The following CD226 variants were observed in gnomAD, a reference collection of about 807,000 sequenced individuals.
The protein encoded by CD226 is CD226 antigen.
Under a neutral mutation model 34.9 loss-of-function variants are expected in CD226, and 24 were observed. The ratio of observed to expected loss-of-function variants is 0.69; its 90% CI spans 0.50 to 0.97. The LOEUF is 0.97. Ranked by LOEUF, CD226 falls within the 50% of genes least tolerant of loss-of-function variation. CD226 has a pLI of 0.00. For missense variants in CD226, 397 were observed against 412.7 expected, an observed-to-expected ratio of 0.96 and a Z score of 0.33; for synonymous variants, 148 against 147.4, an observed-to-expected ratio of 1.00 and a Z score of -0.03.
intron 2 of CD226, among the ~76,000 whole-genome samples, chr18:69,930,736 T>A (rs1331114282): frequency 6.6e-6 from 1 of 152,218 alleles, no homozygotes; most frequent in Non-Finnish European, 1.5e-5. Context: ...AAGAAAATCC[T>A]TGAGTAGTTC....
At chr18:69,911,662 T>G (rs1469521030) in intron 2 of CD226, among the ~76,000 whole-genome samples, 1 of 152,168 alleles carries the variant, frequency 6.6e-6, no homozygotes, top group Admixed American at 6.5e-5. Context: ...AATTCTCAAC[T>G]CTAATCCAAA....
rs1312910057 is a variant in CD226, at chr18:69,863,393, G to T, written c.*921C>A. On this transcript the variant is annotated 3_prime_UTR_variant, in exon 6 of 6. Transcript: ENST00000582621. ...TATTATTCGACTATCTACTACATTT[G>T]CTCCTAAGGCTAGACCTGGGATGGC... 6.6e-6 allele frequency: 1 copy of T among 152,060 alleles called. No individual in the cohort carries two copies. Among genetic ancestry groups the T allele is most frequent in the Non-Finnish European group, 1.5e-5 (1 of 68,020 alleles). The allele number at this position is 152,060 out of a possible 1,614,324, so 9.4% of individuals were successfully genotyped here.
intron 5 of CD226, among the ~76,000 whole-genome samples, chr18:69,864,943 A>T (rs1286774041): frequency 6.6e-6 from 1 of 152,212 alleles, no homozygotes; most frequent in East Asian, 1.9e-4. Flanking sequence ...AGACAAAAGA[A>T]ACTAGAGAAA....
chr18:69,927,508 G>A (rs767639202), intron 2 of CD226, among the ~76,000 whole-genome samples: 3 of 151,668 alleles, frequency 2.0e-5, no homozygotes, highest in Non-Finnish European at 2.9e-5. Flanking sequence ...TCACAGAATC[G>A]AAATCCTACC....
upstream of CD226, among the ~76,000 whole-genome samples, chr18:69,952,576 T>A (rs1347512156): frequency 6.6e-6 from 1 of 152,194 alleles, no homozygotes; most frequent in Non-Finnish European, 1.5e-5. Context: ...ATTGGATCCC[T>A]ACCTCCGTGA....
At position 69,901,690 on chromosome 18, in the gene CD226, T is replaced by C. The variant is rs112374320; in HGVS notation, c.383-5645A>G. Among the ~76,000 whole-genome samples, 180 of 152,042 alleles carry C rather than the reference T, an allele frequency of 1.2e-3. 1 individual carries two copies. Among genetic ancestry groups the C allele is most frequent in the Non-Finnish European group, 2.0e-3 (136 of 67,972 alleles). On this transcript the variant is annotated intron_variant, in intron 2 of 5. Coordinates refer to ENST00000582621, the MANE Select transcript of CD226 (RefSeq NM_001303618.2). Reference sequence around the variant, plus strand: ...GTCAGGAGATCAAGACCATCCTGGCTAACATGGTGAAACCCCGTCTCTACT... The same window carrying C: ...GTCAGGAGATCAAGACCATCCTGGCCAACATGGTGAAACCCCGTCTCTACT...
chr18:69,934,312 G>A (rs9675741), intron 2 of CD226, among the ~76,000 whole-genome samples: 8,923 of 122,786 alleles, frequency 0.073, 882 homozygotes, highest in African/African-American at 0.33. Flanking sequence ...ACACACACAC[G>A]CACGCACACC....
At chr18:69,955,822 C>A (rs1331617479) in intron 1 of CD226, among the ~76,000 whole-genome samples, 3 of 133,576 alleles carry the variant, frequency 2.2e-5, no homozygotes, top group African/African-American at 8.1e-5. Context: ...GACATCGCAC[C>A]ACTGCACTCC....
intron 2 of CD226, among the ~76,000 whole-genome samples, chr18:69,913,287 G>C (rs1029473500): frequency 6.6e-6 from 1 of 152,120 alleles, no homozygotes; most frequent in South Asian, 2.1e-4. Context: ...TTAGAAAATA[G>C]ATCGCCAGAG....
At chr18:69,955,862 CA>C (rs10659184) in intron 1 of CD226, among the ~76,000 whole-genome samples, 1,651 of 83,192 alleles carry the variant, frequency 0.02, 27 homozygotes, top group African/African-American at 0.072. Flanking sequence ...GACTCCATCT[CA>C]AAAAAAAAAA....
chr18:69,871,221 G>A lies in CD226; in HGVS notation c.830+1923C>T, dbSNP rs570388206. Among the ~76,000 whole-genome samples, 5 of 152,272 alleles carry A rather than the reference G, an allele frequency of 3.3e-5. No homozygotes were observed. The East Asian group carries it at 9.7e-4, about 29-fold the overall frequency. ...CCTCTGCCATCTCTGCCCCCAGGAT[G>A]TTTCCCATTGCCAAGGTGAAAAAGT... On this transcript the variant is annotated intron_variant, in intron 4 of 5. Coordinates refer to ENST00000582621, the MANE Select transcript of CD226 (RefSeq NM_001303618.2).
chr18:69,929,163 CA>C (rs2055559286), intron 2 of CD226, among the ~76,000 whole-genome samples: 1 of 152,162 alleles, frequency 6.6e-6, no homozygotes. Context: ...AAAATGCTGC[CA>C]AGCAGAAAAC....
rs774023951 is a variant in CD226 at position 69,895,862 on chromosome 18, G to C, written c.566C>G (p.Ser189Cys). The C allele has an allele frequency of 3.1e-6, 5 of 1,614,046 alleles. No homozygotes were observed. In the African/African-American group the frequency reaches 6.7e-5, roughly 22 times the overall value. The stretch of plus-strand genomic sequence containing the variant: ...GCTCACTATTTGTCTTGGGAACTTG[G>C]AGGTGAAATTTCTGCCATGGACCAA... ...CNLVHGRNFT[S>C]KFPRQIVSNC... Residue 189 changes from serine (S) to cysteine (C), a missense_variant, in exon 3 of 6, where the codon TCC becomes TGC. Transcript: ENST00000582621.
intron 4 of CD226, 85 bp downstream of exon 4, chr18:69,873,059 C>T: frequency 2.5e-6 from 2 of 796,666 alleles, no homozygotes; most frequent in Non-Finnish European, 4.5e-6. Flanking sequence ...TATGTGAATG[C>T]TGAGACAGCT....
At chr18:69,870,272 C>CT (rs66643759) in intron 4 of CD226, among the ~76,000 whole-genome samples, 26,625 of 124,094 alleles carry the variant, frequency 0.21, 3,528 homozygotes, top group South Asian at 0.28. Context: ...TTGGCTCCCC[C>CT]TTTTTTTTTT....
Position 69,867,265 on chromosome 18 carries a change from A to T in CD226, c.885+92T>A, listed in dbSNP as rs562106487. 1.7e-4 allele frequency: 136 copies of T among 791,682 alleles called. 2 individuals are homozygous for T. In the South Asian group the frequency reaches 2.0e-3, roughly 12 times the overall value. 49.0% of individuals were successfully genotyped at this position (791,682 alleles called of 1,614,324 possible). ...ACTGCATGGTCAGGTTACTGAAAGGACAATAAAATATAAGATTGCTAACTG... is the reference window on the plus strand; with the variant it reads ...ACTGCATGGTCAGGTTACTGAAAGGTCAATAAAATATAAGATTGCTAACTG... On this transcript the variant is annotated intron_variant, in intron 5 of 5. Transcript: ENST00000582621.
rs1982672843 is a variant in CD226, at chr18:69,858,416, A to T, written c.*5898T>A. ...AGTTGTACCCTGACTGCCACTATGGAAGCTGAAGGGGGAGATACAAGCTGC... is the reference window on the plus strand; with the variant it reads ...AGTTGTACCCTGACTGCCACTATGGTAGCTGAAGGGGGAGATACAAGCTGC... On this transcript the variant is annotated 3_prime_UTR_variant, in exon 6 of 6. Transcript: ENST00000582621. 1 of 152,194 alleles carries T rather than the reference A, an allele frequency of 6.6e-6. No individual in the cohort carries two copies. Among genetic ancestry groups the T allele is most frequent in the Non-Finnish European group, 1.5e-5 (1 of 68,084 alleles). The allele number at this position is 152,194 out of a possible 1,614,324, so 9.4% of individuals were successfully genotyped here. A position where few individuals can be genotyped will look rare whatever the true frequency, so the allele number is the denominator to read the frequency against.
intron 3 of CD226, among the ~76,000 whole-genome samples, chr18:69,883,357 T>C (rs1401440656): frequency 6.6e-6 from 1 of 152,222 alleles, no homozygotes; most frequent in Non-Finnish European, 1.5e-5. Flanking sequence ...AGGTAGGTGA[T>C]GCTTTGTAGT....
At chr18:69,891,897 G>A (rs1984926559) in intron 3 of CD226, among the ~76,000 whole-genome samples, 2 of 152,154 alleles carry the variant, frequency 1.3e-5, no homozygotes, top group Admixed American at 6.5e-5. Flanking sequence ...TATATGAGAT[G>A]CAGGTTTTCA....
Sources: gnomAD v4.1 joint callset for allele counts (sites outside exome capture counted in the v4.1 genomes callset) on GRCh38, gnomAD v4.1.1 for gene constraint, MANE v1.5 for transcripts, NCBI Gene and HGNC (gene_info 2026-07-23, HGNC 2026-07-21) for gene names.